Variants in USP34 observed in about 807,000 individuals in gnomAD.
USP34 encodes the protein ubiquitin specific peptidase 34.
In USP34, 70 loss-of-function variants were observed where a neutral mutation model predicts 460.3. That is an observed-to-expected ratio of 0.15 (90% confidence interval 0.13 to 0.19). The LOEUF (loss-of-function observed/expected upper bound fraction) is 0.19, where lower values mean the gene tolerates loss of function less well. USP34 is among the 10% of genes least tolerant of loss of function. The pLI, the probability that USP34 is intolerant of heterozygous loss-of-function variation, is 1.00. For missense variants in USP34, 3,985 were observed against 4,236.2 expected (o/e 0.94, Z 1.65); for synonymous variants, 1,647 against 1,405.3 (o/e 1.17, Z -3.85).
chr2:61,287,104 G>A (rs974206350), intron 34 of USP34, among the ~76,000 whole-genome samples: 7 of 152,078 alleles, frequency 4.6e-5, no homozygotes, highest in Admixed American at 2.0e-4. Flanking sequence ...CATATATTTC[G>A]TTTTATTAGA....
rs1468874933 is a variant in USP34 at position 61,350,573 on chromosome 2, C to T, written c.1372G>A (p.Glu458Lys). The change falls in exon 11 of 80, where the codon GAA becomes AAA. Residue 458 changes from glutamate to lysine, a missense_variant. Transcript: ENST00000398571. ...VSALEPSVHTEQTLYLASMLI... is the reference protein window; with the variant it reads ...VSALEPSVHTKQTLYLASMLI... ...TCATGTTTTGAATGTATTACCTGTT[C>T]AGTATGAACACTTGGCTCAAGAGCT... 1 of 1,606,256 alleles carries T rather than the reference C, an allele frequency of 6.2e-7. No individual in the cohort carries two copies. Among genetic ancestry groups the T allele is most frequent in the Non-Finnish European group, 8.5e-7 (1 of 1,178,062 alleles).
intron 69 of USP34, among the ~76,000 whole-genome samples, chr2:61,209,870 G>GAC (rs1333630070): frequency 1.3e-5 from 2 of 152,102 alleles, no homozygotes; most frequent in Non-Finnish European, 2.9e-5. Context: ...CAGAGATACT[G>GAC]ATGATCCCAA....
At position 61,241,572 on chromosome 2, in the gene USP34, T is replaced by C; in HGVS notation, c.6765A>G (p.Ser2255=). 6.2e-7 allele frequency: 1 copy of C among 1,603,516 alleles called. No individual in the cohort carries two copies. The highest frequency in any genetic ancestry group is 8.5e-7 in the Non-Finnish European group (1 of 1,176,998). ...AATTAACTTATACCTCTAGTAACTCTGACGAAACATCAAATTTGTATTCTC... is the reference window on the plus strand; with the variant it reads ...AATTAACTTATACCTCTAGTAACTCCGACGAAACATCAAATTTGTATTCTC... ...NGREYKFDVS[S]ELLEWIWHDN... Residue 2255 remains serine (S), a synonymous_variant, in exon 53 of 80, where the codon TCA becomes TCG. Transcript: ENST00000398571.
In USP34 at chr2:61,301,346, A is replaced by C; in HGVS notation, c.3918+8T>G. The C allele has an allele frequency of 6.2e-7, 1 of 1,611,930 alleles. No individual in the cohort carries two copies. The highest frequency in any genetic ancestry group is 1.7e-4 in the Middle Eastern group (1 of 6,056). ...CATTAAAACTCAAACCACGTTTTAT[A>C]TATGTACCTGCATATCCTTAAAACC... is the stretch of plus-strand genomic sequence containing the variant. On this transcript the variant is annotated splice_region_variant and intron_variant, in intron 28 of 79. Coordinates refer to ENST00000398571, the MANE Select transcript of USP34 (RefSeq NM_014709.4).
At chr2:61,373,094 T>G (rs929352565) in intron 8 of USP34, among the ~76,000 whole-genome samples, 2 of 152,216 alleles carry the variant, frequency 1.3e-5, no homozygotes, top group Non-Finnish European at 2.9e-5. Context: ...TTATCTTATT[T>G]TATTAGAGTT....
At chr2:61,309,188 C>A (rs573092201) in intron 27 of USP34, among the ~76,000 whole-genome samples, 2 of 152,258 alleles carry the variant, frequency 1.3e-5, no homozygotes, top group East Asian at 3.9e-4. Flanking sequence ...GAATTCTTTA[C>A]CCAGCTAATT....
chr2:61,339,880 C>G (rs761011503), intron 16 of USP34, among the ~76,000 whole-genome samples, 199 bp from the exon 17 acceptor site: 3 of 151,768 alleles, frequency 2.0e-5, no homozygotes, highest in Non-Finnish European at 2.9e-5. Context: ...CTATGTTGGC[C>G]AGGCTGGTCT....
At chr2:61,378,975 A>C (rs181380847) in intron 7 of USP34, among the ~76,000 whole-genome samples, 2 of 148,048 alleles carry the variant, frequency 1.4e-5, no homozygotes, top group African/African-American at 4.9e-5. Flanking sequence ...ATTCTTTATT[A>C]CACTAAGTGC....
At chr2:61,203,352 C>T (rs1333852195) in intron 74 of USP34, 89 bp from the exon 75 acceptor site, 3 of 1,226,994 alleles carry the variant, frequency 2.4e-6, no homozygotes, top group Non-Finnish European at 1.0e-6. Context: ...AACTAAAAAG[C>T]TGATTCAATA....
In USP34 at chr2:61,404,170, C is replaced by A. The variant is rs528950841; in HGVS notation, c.552+1538G>T. On this transcript the variant is annotated intron_variant, in intron 3 of 79. Transcript: ENST00000398571. ...CTATGTTTTCAAATAAGTCTCCATT[C>A]GACATGAAAATATCCCAGTAAAGGA... 1.5e-4 allele frequency among the ~76,000 whole-genome samples: 23 copies of A among 151,502 alleles called. No individual in the cohort carries two copies. In the South Asian group the frequency reaches 4.8e-3, roughly 32 times the overall value.
chr2:61,458,495 A>C (rs1295985008), intron 1 of USP34, among the ~76,000 whole-genome samples: 2 of 146,748 alleles, frequency 1.4e-5, no homozygotes, highest in African/African-American at 5.0e-5. Context: ...CAGGAAGCAG[A>C]GGTTGCAGTG....
At chr2:61,465,632 C>G (rs1695738433) in intron 1 of USP34, among the ~76,000 whole-genome samples, 2 of 152,028 alleles carry the variant, frequency 1.3e-5, no homozygotes, top group Non-Finnish European at 2.9e-5. Context: ...GGCTTCAGAC[C>G]AGGAGTTTGA....
chr2:61,298,934 C>T (rs1282733353), intron 29 of USP34, among the ~76,000 whole-genome samples: 3 of 152,144 alleles, frequency 2.0e-5, no homozygotes, highest in African/African-American at 7.2e-5. Flanking sequence ...TCTCTTCACT[C>T]TTAACAGTAG....
At chr2:61,240,486 G>C (rs892369365) in intron 53 of USP34, among the ~76,000 whole-genome samples, 6 of 152,040 alleles carry the variant, frequency 3.9e-5, no homozygotes, top group Admixed American at 1.3e-4. Flanking sequence ...TACCATGTTA[G>C]GCAGGATGGT....
chr2:61,382,463 T>A (rs1052519365), intron 6 of USP34, among the ~76,000 whole-genome samples: 2 of 152,208 alleles, frequency 1.3e-5, no homozygotes, highest in African/African-American at 2.4e-5. Flanking sequence ...CTGACTCACG[T>A]CCATCAGATA....
chr2:61,223,353 G>A (rs905529997), intron 62 of USP34, 57 bp from the exon 63 acceptor site: 17 of 1,492,398 alleles, frequency 1.1e-5, no homozygotes, highest in East Asian at 4.5e-5. Flanking sequence ...ACTTTACAGC[G>A]ATTTACAACA....
intron 1 of USP34, among the ~76,000 whole-genome samples, chr2:61,449,624 G>A (rs956682092): frequency 4.0e-5 from 6 of 151,858 alleles, no homozygotes; most frequent in East Asian, 3.8e-4. Flanking sequence ...TAGACATACA[G>A]ATCAATGAAA....
intron 48 of USP34, among the ~76,000 whole-genome samples, chr2:61,255,723 A>G (rs987911429): frequency 8.5e-5 from 13 of 152,208 alleles, no homozygotes; most frequent in African/African-American, 3.1e-4. Context: ...ATCATGATAA[A>G]ATCTTGTACC....
intron 10 of USP34, among the ~76,000 whole-genome samples, chr2:61,354,656 A>C (rs1338739711): frequency 6.6e-6 from 1 of 152,146 alleles, no homozygotes; most frequent in East Asian, 1.9e-4. Flanking sequence ...TGAGCCGAAA[A>C]GAGTAGCTTT....
Sources: gnomAD v4.1 joint callset for allele counts (sites outside exome capture counted in the v4.1 genomes callset) on GRCh38, gnomAD v4.1.1 for gene constraint, MANE v1.5 for transcripts, NCBI Gene and HGNC (gene_info 2026-07-23, HGNC 2026-07-21) for gene names.